The following MEIS1 variants were observed in gnomAD, a reference collection of about 807,000 sequenced individuals.
The protein encoded by MEIS1 is homeobox protein Meis1.
A neutral mutation model predicts 50.8 loss-of-function variants in MEIS1; 5 were observed. That is an observed-to-expected ratio of 0.10 (90% CI 0.05 to 0.21). The LOEUF is 0.21. MEIS1 is among the 10% of genes least tolerant of loss of function. MEIS1 has a pLI of 1.00. For synonymous variants in MEIS1, 176 were observed against 179.3 expected (o/e 0.98, Z 0.15); for missense variants, 318 against 517.3 (o/e 0.61, Z 3.74).
chr2:66,449,595 A>G (rs1482471805), intron 6 of MEIS1, among the ~76,000 whole-genome samples: 1 of 152,120 alleles, frequency 6.6e-6, no homozygotes, highest in Non-Finnish European at 1.5e-5. Flanking sequence ...TGGAATCCCT[A>G]CACTTGTAAA....
chr2:66,525,334 CCTG>C (rs1298419547), intron 8 of MEIS1, among the ~76,000 whole-genome samples: 3 of 152,160 alleles, frequency 2.0e-5, no homozygotes, highest in Non-Finnish European at 4.4e-5. Flanking sequence ...AGGGTTGGGG[CCTG>C]AGATTCTGCA....
At chr2:66,498,467 TAGG>T (rs1349223785) in intron 7 of MEIS1, among the ~76,000 whole-genome samples, 1 of 151,886 alleles carries the variant, frequency 6.6e-6, no homozygotes, top group Non-Finnish European at 1.5e-5. Flanking sequence ...ACCTCCAACA[TAGG>T]AGGCAAGAAG....
Position 66,567,915 on chromosome 2 carries a change from T to C in MEIS1, c.1024+404T>C, listed in dbSNP as rs968039558. 2.6e-5 allele frequency: 10 copies of C among 391,792 alleles called. No homozygotes were observed. The Admixed American group carries it at 3.8e-4, about 15-fold the overall frequency. 24.3% of individuals were successfully genotyped at this position (391,792 alleles called of 1,614,324 possible). The stretch of plus-strand genomic sequence containing the variant: ...AAAAGGGCAAAGGGGTCAGGATTGC[T>C]TGTGGGACTCAGTAAAGTTCAAAGA... On this transcript the variant is annotated intron_variant, in intron 10 of 12. Coordinates refer to ENST00000272369, the MANE Select transcript of MEIS1 (RefSeq NM_002398.3).
chr2:66,449,477 T>A (rs552406980), intron 6 of MEIS1, among the ~76,000 whole-genome samples: 1 of 152,242 alleles, frequency 6.6e-6, no homozygotes, highest in East Asian at 1.9e-4. Flanking sequence ...ACATCTTCAC[T>A]GTATCTTTAA....
At chr2:66,533,987 G>C (rs1306817826) in intron 8 of MEIS1, among the ~76,000 whole-genome samples, 1 of 152,104 alleles carries the variant, frequency 6.6e-6, no homozygotes, top group African/African-American at 2.4e-5. Flanking sequence ...TTTTTACATA[G>C]ATTAGCCCAA....
chr2:66,566,460 G>A (rs1675349170), intron 9 of MEIS1, among the ~76,000 whole-genome samples: 1 of 152,096 alleles, frequency 6.6e-6, no homozygotes, highest in Non-Finnish European at 1.5e-5. Context: ...TTTGATCTGA[G>A]TTGGGAACTA....
chr2:66,472,201 A>G (rs1181369394), intron 7 of MEIS1, among the ~76,000 whole-genome samples: 1 of 152,210 alleles, frequency 6.6e-6, no homozygotes, highest in Non-Finnish European at 1.5e-5. Context: ...CAAGGAAATA[A>G]ATAAGGAGAG....
intron 6 of MEIS1, among the ~76,000 whole-genome samples, chr2:66,446,412 CAG>C (rs1317810957): frequency 6.6e-6 from 1 of 152,140 alleles, no homozygotes; most frequent in African/African-American, 2.4e-5. Flanking sequence ...GAGAGCGGAG[CAG>C]AGTCTCTAGG....
intron 7 of MEIS1, among the ~76,000 whole-genome samples, chr2:66,506,876 A>G (rs1673696066): frequency 6.6e-6 from 1 of 152,158 alleles, no homozygotes; most frequent in African/African-American, 2.4e-5. Flanking sequence ...ATAACCCTGG[A>G]CATCAGGCAC....
At chr2:66,562,752 G>T (rs1481471971) in intron 9 of MEIS1, among the ~76,000 whole-genome samples, 1 of 151,872 alleles carries the variant, frequency 6.6e-6, no homozygotes, top group Non-Finnish European at 1.5e-5. Flanking sequence ...AGATAGTTTG[G>T]TCAGAAGAAG....
chr2:66,563,531 A>G (rs576077494), intron 9 of MEIS1, among the ~76,000 whole-genome samples: 1 of 152,278 alleles, frequency 6.6e-6, no homozygotes, highest in Non-Finnish European at 1.5e-5. Flanking sequence ...TTCACATCAT[A>G]TGTACAGTTC....
chr2:66,435,469 T>G lies in MEIS1; in HGVS notation c.-388T>G. The G allele has an allele frequency of 3.0e-6, 1 of 335,762 alleles. No individual in the cohort carries two copies. Among genetic ancestry groups the G allele is most frequent in the Non-Finnish European group, 5.3e-6 (1 of 189,212 alleles). 20.8% of individuals were successfully genotyped at this position (335,762 alleles called of 1,614,324 possible). A position where few individuals can be genotyped will look rare whatever the true frequency, so the allele number is the denominator to read the frequency against. Reference sequence around the variant, plus strand: ...CATTCACCACGTTGACAACCTCGCCTGTGATTGACAGCTGGAGTGGCAGAA... The same window carrying G: ...CATTCACCACGTTGACAACCTCGCCGGTGATTGACAGCTGGAGTGGCAGAA... On this transcript the variant is annotated 5_prime_UTR_variant, in exon 1 of 13. Coordinates refer to ENST00000272369, the MANE Select transcript of MEIS1 (RefSeq NM_002398.3).
intron 5 of MEIS1, 22 bp downstream of exon 5, chr2:66,441,486 C>A: frequency 6.5e-7 from 1 of 1,529,110 alleles, no homozygotes; most frequent in African/African-American, 1.4e-5. Flanking sequence ...AGCCTCTTTT[C>A]CTTTTACTTA....
At chr2:66,553,521 A>C (rs1421630932) in intron 9 of MEIS1, among the ~76,000 whole-genome samples, 1 of 152,210 alleles carries the variant, frequency 6.6e-6, no homozygotes, top group Non-Finnish European at 1.5e-5. Flanking sequence ...CAGTCAAAAA[A>C]TGTTTAGCTT....
At chr2:66,523,640 A>T (rs1203231064) in intron 8 of MEIS1, among the ~76,000 whole-genome samples, 1 of 152,236 alleles carries the variant, frequency 6.6e-6, no homozygotes, top group Non-Finnish European at 1.5e-5. Flanking sequence ...ATTAAATTTA[A>T]TTAAGGAGTA....
At chr2:66,450,351 T>C (rs1004019498) in intron 6 of MEIS1, among the ~76,000 whole-genome samples, 4 of 152,174 alleles carry the variant, frequency 2.6e-5, no homozygotes, top group Admixed American at 1.3e-4. Flanking sequence ...CATGCACTTA[T>C]AGTCTCAGCT....
intron 6 of MEIS1, among the ~76,000 whole-genome samples, chr2:66,460,326 C>T (rs1672488835): frequency 6.6e-6 from 1 of 152,062 alleles, no homozygotes; most frequent in Admixed American, 6.6e-5. Context: ...TATTTTACTA[C>T]CAGATGCCAG....
intron 8 of MEIS1, among the ~76,000 whole-genome samples, chr2:66,534,503 C>T (rs1191098363): frequency 6.6e-6 from 1 of 151,860 alleles, no homozygotes; most frequent in African/African-American, 2.4e-5. Flanking sequence ...CACTGCGCTT[C>T]AGCCTGGGCA....
chr2:66,452,172 A>G (rs894213169), intron 6 of MEIS1, among the ~76,000 whole-genome samples: 3 of 151,940 alleles, frequency 2.0e-5, no homozygotes, highest in African/African-American at 4.8e-5. Context: ...GAGTTGTTTT[A>G]TAATCCACGC....
Sources: gnomAD v4.1 joint callset for allele counts (sites outside exome capture counted in the v4.1 genomes callset) on GRCh38, gnomAD v4.1.1 for gene constraint, MANE v1.5 for transcripts, NCBI Gene and HGNC (gene_info 2026-07-23, HGNC 2026-07-21) for gene names.